The following ATP2A2 variants were observed in gnomAD, a reference collection of about 807,000 sequenced individuals.
ATP2A2 encodes the protein sarcoplasmic/endoplasmic reticulum calcium ATPase 2.
In ATP2A2, 14 loss-of-function variants were observed where a neutral mutation model predicts 109.3. That is an observed-to-expected ratio of 0.13 (90% CI 0.08 to 0.20). The LOEUF (loss-of-function observed/expected upper bound fraction) is 0.20, where lower values mean the gene tolerates loss of function less well. Among genes scored for constraint, ATP2A2 ranks in the 10% least tolerant of loss-of-function variants. The pLI, the probability that ATP2A2 is intolerant of heterozygous loss-of-function variation, is 1.00. For missense variants in ATP2A2, 657 were observed against 1,321.6 expected, an observed-to-expected ratio of 0.50 and a Z score of 7.80; for synonymous variants, 506 against 490.9, an observed-to-expected ratio of 1.03 and a Z score of -0.41.
Position 110,347,029 on chromosome 12 carries a change from AC to A in ATP2A2, c.*563del. The A allele has an allele frequency of 2.7e-6, 1 of 367,860 alleles. No individual in the cohort carries two copies. The highest frequency in any genetic ancestry group is 3.3e-6 in the Non-Finnish European group (1 of 298,820). 22.8% of individuals were successfully genotyped at this position (367,860 alleles called of 1,614,324 possible). ...CTTTGGCCTCCGTTCACCCCACCCC[AC>A]CCCACCTCTCCCCACCTTACCCCCG... is the stretch of plus-strand genomic sequence containing the variant. On this transcript the variant is annotated 3_prime_UTR_variant, in exon 20 of 20. Transcript: ENST00000539276.
chr12:110,291,136 G>C (rs564252864), intron 3 of ATP2A2, among the ~76,000 whole-genome samples: 1 of 152,060 alleles, frequency 6.6e-6, no homozygotes, highest in South Asian at 2.1e-4. Flanking sequence ...TCGAGCTCCA[G>C]ACCTCAGGTG....
chr12:110,300,145 T>TCC (rs1874433068), intron 5 of ATP2A2, among the ~76,000 whole-genome samples: 1 of 23,342 alleles, frequency 4.3e-5, no homozygotes, highest in African/African-American at 1.6e-4. Context: ...TCCCCTCCCC[T>TCC]CCTTCTGTCC....
Position 110,312,708 on chromosome 12 carries a change from G to C in ATP2A2, c.464-10284G>C, listed in dbSNP as rs532319785. On this transcript the variant is annotated intron_variant, in intron 5 of 19. Transcript: ENST00000539276. ...TCACTAAAAATACAAAAATTACCCG[G>C]GTGTGGTGGTGGATGCCTGTAATCC... is the stretch of plus-strand genomic sequence containing the variant. Among the ~76,000 whole-genome samples, 17 of 152,060 alleles carry C rather than the reference G, an allele frequency of 1.1e-4. 1 individual carries two copies. The highest frequency in any genetic ancestry group is 3.9e-4 in the African/African-American group (16 of 41,460).
chr12:110,343,974 C>T (rs1351592753), intron 16 of ATP2A2, among the ~76,000 whole-genome samples: 1 of 152,190 alleles, frequency 6.6e-6, no homozygotes, highest in Non-Finnish European at 1.5e-5. Context: ...AATATATTCA[C>T]ATGACTTCAA....
intron 10 of ATP2A2, 131 bp downstream of exon 10, chr12:110,333,414 C>A: frequency 1.2e-6 from 1 of 839,900 alleles, no homozygotes; most frequent in Non-Finnish European, 2.0e-6. Context: ...CCCTTCCATT[C>A]AGAACCTGAT....
Position 110,297,474 on chromosome 12 carries a change from T to C in ATP2A2, c.463+737T>C, listed in dbSNP as rs140488727. Among the ~76,000 whole-genome samples the C allele has an allele frequency of 4.1e-4, 62 of 151,764 alleles. 3 individuals are homozygous for C. The East Asian group carries it at 0.011, about 27-fold the overall frequency. On this transcript the variant is annotated intron_variant, in intron 5 of 19. Transcript: ENST00000539276. Reference sequence around the variant, plus strand: ...AAAACAGTATGCTTAAAAATACTTATGTGTTACACTGAGCCAGGAGTCTCT... The same window carrying C: ...AAAACAGTATGCTTAAAAATACTTACGTGTTACACTGAGCCAGGAGTCTCT...
chr12:110,334,599 T>C (rs1473126308), intron 11 of ATP2A2, among the ~76,000 whole-genome samples: 2 of 149,582 alleles, frequency 1.3e-5, no homozygotes, highest in African/African-American at 4.9e-5. Flanking sequence ...TTTTTTTTTT[T>C]TTTTTTTGAG....
intron 5 of ATP2A2, among the ~76,000 whole-genome samples, chr12:110,297,445 A>C (rs1315101952): frequency 1.3e-5 from 2 of 151,732 alleles, no homozygotes; most frequent in South Asian, 2.1e-4. Flanking sequence ...AAAAAAAAAA[A>C]AAAAAAACAG....
At chr12:110,289,874 G>A (rs756413502) in intron 3 of ATP2A2, among the ~76,000 whole-genome samples, 1 of 152,046 alleles carries the variant, frequency 6.6e-6, no homozygotes, top group Non-Finnish European at 1.5e-5. Context: ...ATTATTCTTA[G>A]TATTCATTGT....
At position 110,346,401 on chromosome 12, in the gene ATP2A2, G is replaced by A. The variant is rs2137875750; in HGVS notation, c.3060G>A (p.Leu1020=). 6.2e-7 allele frequency: 1 copy of A among 1,614,206 alleles called. No homozygotes were observed. Among genetic ancestry groups the A allele is most frequent in the Non-Finnish European group, 8.5e-7 (1 of 1,180,036 alleles). ...CTDGISWPFV[L]LIMPLVIWVY... ...ATGGGATTTCCTGGCCGTTTGTGCT[G>A]CTCATAATGCCCCTGGTGATCTGGG... The change falls in exon 20 of 20, where the codon CTG becomes CTA. Residue 1020 remains leucine (L), a synonymous_variant. Transcript: ENST00000539276.
chr12:110,345,119 C>T (rs985435829), intron 17 of ATP2A2, 130 bp from the exon 18 acceptor site: 44 of 1,523,882 alleles, frequency 2.9e-5, no homozygotes, highest in East Asian at 4.5e-5. Flanking sequence ...AGGGCTTCTC[C>T]GAGAAATTGG....
intron 8 of ATP2A2, chr12:110,330,976 G>A (rs967183231): frequency 6.6e-6 from 1 of 152,206 alleles, no homozygotes; most frequent in African/African-American, 2.4e-5. Flanking sequence ...GGGCACAGTG[G>A]TTCACGCCTG....
Position 110,326,391 on chromosome 12 carries a change from T to G in ATP2A2, c.546T>G (p.Gly182=), listed in dbSNP as rs751208656. 6.2e-7 allele frequency: 1 copy of G among 1,613,706 alleles called. No individual in the cohort carries two copies. Among genetic ancestry groups the G allele is most frequent in the South Asian group, 1.1e-5 (1 of 90,958 alleles). ...TTTTCTGTCTCACAACCCGCTTAGG[T>G]GAATCTGTCTCTGTCATCAAGCACA... ...TLRVDQSILT[G]ESVSVIKHTD... The change falls in exon 7 of 20, where the codon GGT becomes GGG. Residue 182 remains glycine, a splice_region_variant and synonymous_variant. Transcript: ENST00000539276.
At chr12:110,289,804 A>G (rs1377075440) in intron 3 of ATP2A2, among the ~76,000 whole-genome samples, 3 of 152,178 alleles carry the variant, frequency 2.0e-5, no homozygotes, top group Non-Finnish European at 2.9e-5. Context: ...TGGATTGGTA[A>G]GTTTCCACAA....
chr12:110,293,851 T>A (rs1203186753), intron 4 of ATP2A2, among the ~76,000 whole-genome samples: 2 of 126,512 alleles, frequency 1.6e-5, no homozygotes, highest in Non-Finnish European at 3.3e-5. Context: ...TGTGTGTGTG[T>A]GTGTGTGTGT....
chr12:110,324,828 CTT>C (rs1187160769), intron 6 of ATP2A2, among the ~76,000 whole-genome samples: 33 of 134,308 alleles, frequency 2.5e-4, no homozygotes, highest in Middle Eastern at 4.0e-3. Context: ...TAATGAAAAT[CTT>C]TTTTTTTTTT....
At position 110,349,483 on chromosome 12, in the gene ATP2A2, C is replaced by T; in HGVS notation, c.*3013C>T. The T allele has an allele frequency of 2.0e-6, 2 of 985,658 alleles. No individual in the cohort carries two copies. The highest frequency in any genetic ancestry group is 2.4e-6 in the Non-Finnish European group (2 of 830,090). 61.1% of individuals were successfully genotyped at this position (985,658 alleles called of 1,614,324 possible). Reference sequence around the variant, plus strand: ...TACATACCCTAACTGGGACACCACTCTGCAGAATGCAGATGATCCATTCTG... The same window carrying T: ...TACATACCCTAACTGGGACACCACTTTGCAGAATGCAGATGATCCATTCTG... On this transcript the variant is annotated 3_prime_UTR_variant, in exon 20 of 20. Coordinates refer to ENST00000539276, the MANE Select transcript of ATP2A2 (RefSeq NM_170665.4).
intron 5 of ATP2A2, among the ~76,000 whole-genome samples, chr12:110,298,764 A>G (rs1319953342): frequency 6.6e-6 from 1 of 152,170 alleles, no homozygotes; most frequent in Non-Finnish European, 1.5e-5. Flanking sequence ...ATACTATCAC[A>G]GATGTATTAT....
In ATP2A2 at chr12:110,346,764, T is replaced by TA. The variant is rs758310383; in HGVS notation, c.*302dup. ...GTTCTGTTTAATACTCATCCTTGTA[T>TA]AAAAAAAATAGTTGAGCCAGCAGAC... On this transcript the variant is annotated 3_prime_UTR_variant, in exon 20 of 20. Coordinates refer to ENST00000539276, the MANE Select transcript of ATP2A2 (RefSeq NM_170665.4). 3.0e-4 allele frequency: 361 copies of TA among 1,197,276 alleles called. No individual in the cohort carries two copies. The highest frequency in any genetic ancestry group is 3.6e-4 in the Non-Finnish European group (344 of 960,532). The allele number at this position is 1,197,276 out of a possible 1,614,324, so 74.2% of individuals were successfully genotyped here.
Sources: allele counts gnomAD v4.1 joint callset (sites outside exome capture counted in the v4.1 genomes callset), GRCh38; gene constraint gnomAD v4.1.1; transcripts MANE v1.5; gene names NCBI Gene and HGNC (gene_info 2026-07-23, HGNC 2026-07-21).